The following SPATA31H1 variants were observed in gnomAD, a reference collection of about 807,000 sequenced individuals.
SPATA31H1 encodes the protein spermatogenesis-associated protein 31H1.
the SPATA31H1 span, chr2:27,566,005 T>C: frequency 4.2e-6 from 3 of 717,104 alleles, no homozygotes; most frequent in Admixed American, 6.0e-5. Context: ...TGATCATCAA[T>C]AGTCATGAGG....
the SPATA31H1 span, chr2:27,575,602 G>T: frequency 1.5e-5 from 6 of 398,264 alleles, no homozygotes; most frequent in Middle Eastern, 6.2e-4. This position sits in a 1 kb window ranked among gnomAD's most constrained non-coding sequence, Gnocchi z 4.1. Context: ...AAGGTGTTCT[G>T]CCTTGGACCA....
chr2:27,541,524 T>G, the SPATA31H1 span, among the ~76,000 whole-genome samples: 1 of 152,008 alleles, frequency 6.6e-6, no homozygotes, highest in African/African-American at 2.4e-5. Flanking sequence ...ATATAGTAAG[T>G]GCTCCGTAGT....
chr2:27,575,564 T>C, the SPATA31H1 span: 6 of 398,478 alleles, frequency 1.5e-5, no homozygotes, highest in Non-Finnish European at 2.7e-5. This position sits in a 1 kb window ranked among gnomAD's most constrained non-coding sequence, Gnocchi z 4.1. Flanking sequence ...AGTTGAATCC[T>C]GGGCCTGAGC....
At chr2:27,546,831 C>T in the SPATA31H1 span, among the ~76,000 whole-genome samples, 1 of 151,866 alleles carries the variant, frequency 6.6e-6, no homozygotes, top group Non-Finnish European at 1.5e-5. Flanking sequence ...CATGCCTGGC[C>T]TAATGCAATA....
chr2:27,580,853 A>G, the SPATA31H1 span: 2 of 1,614,178 alleles, frequency 1.2e-6, no homozygotes, highest in Admixed American at 3.3e-5. Context: ...AGGAGGACAT[A>G]TTGTGGGGAG....
the SPATA31H1 span, chr2:27,570,026 C>A: frequency 2.5e-6 from 1 of 398,868 alleles, no homozygotes; most frequent in South Asian, 1.3e-4. Flanking sequence ...ATCAAAGTGT[C>A]AAATTTGTAC....
chr2:27,567,202 C>A, the SPATA31H1 span: 1 of 632,534 alleles, frequency 1.6e-6, no homozygotes, highest in African/African-American at 1.8e-5. Flanking sequence ...GATCATGAGC[C>A]AAATTCTGTT....
At chr2:27,575,968 T>C in the SPATA31H1 span, 5 of 398,538 alleles carry the variant, frequency 1.3e-5, no homozygotes, top group Non-Finnish European at 2.2e-5. The surrounding 1 kb of genome is among the most constrained non-coding windows in gnomAD (Gnocchi z 4.1). Flanking sequence ...ACACCTATGA[T>C]GTTCAACCCT....
At chr2:27,566,315 C>T in the SPATA31H1 span, 4 of 717,358 alleles carry the variant, frequency 5.6e-6, no homozygotes, top group Non-Finnish European at 1.0e-5. Context: ...GTGGGCTGGA[C>T]CCAGGAATAT....
the SPATA31H1 span, among the ~76,000 whole-genome samples, chr2:27,552,540 C>A: frequency 6.6e-6 from 1 of 151,908 alleles, no homozygotes; most frequent in African/African-American, 2.4e-5. Flanking sequence ...CAACTTTGTT[C>A]TTTTTCAAGA....
At chr2:27,577,999 G>A in the SPATA31H1 span, 2 of 1,613,982 alleles carry the variant, frequency 1.2e-6, no homozygotes, top group Admixed American at 1.7e-5. The surrounding 1 kb of genome is among the most constrained non-coding windows in gnomAD (Gnocchi z 4.5). Context: ...GAATTTATGA[G>A]GATTAGTCCA....
the SPATA31H1 span, chr2:27,575,087 GGGT>G: frequency 7.5e-6 from 3 of 398,390 alleles, no homozygotes; most frequent in Non-Finnish European, 1.3e-5. The surrounding 1 kb of genome is among the most constrained non-coding windows in gnomAD (Gnocchi z 4.1). Flanking sequence ...TACACCTTCA[GGGT>G]GTGAAATCTG....
the SPATA31H1 span, among the ~76,000 whole-genome samples, chr2:27,555,815 A>C: frequency 6.6e-6 from 1 of 151,846 alleles, no homozygotes; most frequent in Non-Finnish European, 1.5e-5. Context: ...AATATAATGC[A>C]TCTTTTATTT....
At chr2:27,539,646 G>A in the SPATA31H1 span, among the ~76,000 whole-genome samples, 2 of 109,476 alleles carry the variant, frequency 1.8e-5, no homozygotes, top group African/African-American at 3.6e-5. Context: ...CCTCCCAGAC[G>A]GGGCCGTGGC....
the SPATA31H1 span, among the ~76,000 whole-genome samples, chr2:27,548,743 C>T: frequency 6.6e-6 from 1 of 151,670 alleles, no homozygotes; most frequent in African/African-American, 2.4e-5. Flanking sequence ...TCTCCATCTT[C>T]ATTTCTTTAT....
chr2:27,563,673 C>T, the SPATA31H1 span, among the ~76,000 whole-genome samples: 1 of 151,874 alleles, frequency 6.6e-6, no homozygotes, highest in Admixed American at 6.6e-5. Context: ...AATTCTCCTG[C>T]CTCAGCCTCC....
the SPATA31H1 span, among the ~76,000 whole-genome samples, chr2:27,560,602 C>T: frequency 1.3e-5 from 2 of 151,904 alleles, no homozygotes; most frequent in Non-Finnish European, 2.9e-5. Flanking sequence ...GGACTACAGG[C>T]GCCCGCCTCC....
At chr2:27,561,340 T>G in the SPATA31H1 span, among the ~76,000 whole-genome samples, 6 of 152,090 alleles carry the variant, frequency 3.9e-5, no homozygotes, top group Non-Finnish European at 7.4e-5. Context: ...AACAAAAAAC[T>G]AATTTGAGAC....
At chr2:27,539,962 G>A in the SPATA31H1 span, among the ~76,000 whole-genome samples, 10 of 128,640 alleles carry the variant, frequency 7.8e-5, no homozygotes, top group African/African-American at 2.3e-4. Context: ...TGGCCAGGCG[G>A]GGGGCTGATC....
Sources: allele counts gnomAD v4.1 joint callset (sites outside exome capture counted in the v4.1 genomes callset), GRCh38; gene constraint gnomAD v4.1.1; non-coding constraint Gnocchi (gnomAD v3.1); transcripts MANE v1.5; gene names NCBI Gene and HGNC (gene_info 2026-07-23, HGNC 2026-07-21).